LRRC69: variants seen among roughly 807,000 people sequenced by gnomAD.
The protein encoded by LRRC69 is leucine-rich repeat-containing protein 69.
LRRC69 carries 42 observed loss-of-function variants against 37.8 expected under a neutral mutation model. The ratio of observed to expected loss-of-function variants is 1.11; its 90% CI spans 0.87 to 1.44. LRRC69 has a LOEUF of 1.44. Ranked by LOEUF, LRRC69 falls within the 40% of genes most tolerant of loss-of-function variation. The pLI is 0.00. For missense variants in LRRC69, 357 were observed against 401.9 expected (o/e 0.89, Z 0.96); for synonymous variants, 141 against 143.1 (o/e 0.99, Z 0.11).
intron 1 of LRRC69, among the ~76,000 whole-genome samples, chr8:91,122,385 A>G (rs932555174): frequency 3.3e-5 from 5 of 152,078 alleles, no homozygotes; most frequent in Non-Finnish European, 2.9e-5. Flanking sequence ...GTTACTGCCC[A>G]TCATAAAAGA....
chr8:91,127,176 G>T lies in LRRC69; in HGVS notation c.383+16G>T. On this transcript the variant is annotated intron_variant, in intron 3 of 7. Coordinates refer to ENST00000448384, the Ensembl canonical transcript of LRRC69. ...AAGTCAGCAGGTAATTTTGTTTATA[G>T]CAAGACTTGGTTAACAATCGTGCCC... The T allele has an allele frequency of 6.5e-7, 1 of 1,541,056 alleles. No individual in the cohort carries two copies. The highest frequency in any genetic ancestry group is 8.8e-7 in the Non-Finnish European group (1 of 1,139,928).
chr8:91,104,989 T>C (rs1225159071), intron 1 of LRRC69, among the ~76,000 whole-genome samples: 1 of 152,064 alleles, frequency 6.6e-6, no homozygotes, highest in Non-Finnish European at 1.5e-5. Flanking sequence ...CCTCTCATTC[T>C]TCTATTTAGG....
intron 3 of LRRC69, among the ~76,000 whole-genome samples, chr8:91,129,072 T>C (rs1411412451): frequency 6.6e-6 from 1 of 152,074 alleles, no homozygotes; most frequent in Non-Finnish European, 1.5e-5. Flanking sequence ...TTTTGGCTCA[T>C]TTAAACTACA....
intron 7 of LRRC69, among the ~76,000 whole-genome samples, chr8:91,202,891 C>G (rs1441535320): frequency 6.6e-6 from 1 of 152,130 alleles, no homozygotes; most frequent in Non-Finnish European, 1.5e-5. Context: ...ACTAGACCAG[C>G]TGAGAGATGA....
Position 91,197,947 on chromosome 8 carries a change from T to C in LRRC69, c.754-2666T>C, listed in dbSNP as rs189446890. Among the ~76,000 whole-genome samples, 65 of 152,286 alleles carry C rather than the reference T, an allele frequency of 4.3e-4. No individual in the cohort carries two copies. The Middle Eastern group carries it at 0.01, about 24-fold the overall frequency. ...TGTAATATGTAAATGATGTGTGTAG[T>C]TTTAAGAGTATCCCTAAGAATTCTT... On this transcript the variant is annotated intron_variant, in intron 6 of 7. Transcript: ENST00000448384.
In LRRC69 at chr8:91,189,605, G is replaced by GAA; in HGVS notation, c.736_737dup (p.Asn246LysfsTer9). ...AGCCAGTGATTTCTACACAGCAGGA[G>GAA]AACGTCTGGAGTCTACAGGTGAAGA... On this transcript the variant is annotated frameshift_variant, in exon 6 of 8. Coordinates refer to ENST00000448384, the Ensembl canonical transcript of LRRC69. LOFTEE classifies it high-confidence loss of function. The GAA allele has an allele frequency of 2.6e-6, 4 of 1,550,884 alleles. 1 individual carries two copies. The South Asian group carries it at 4.8e-5, about 18-fold the overall frequency.
intron 7 of LRRC69, among the ~76,000 whole-genome samples, chr8:91,203,446 C>T (rs995532876): frequency 1.3e-5 from 2 of 151,346 alleles, no homozygotes; most frequent in Non-Finnish European, 2.9e-5. Context: ...GCCTAAAGTG[C>T]AGTGGTGGTG....
intron 5 of LRRC69, among the ~76,000 whole-genome samples, chr8:91,144,717 GC>G (rs1808587307): frequency 6.6e-6 from 1 of 151,870 alleles, no homozygotes; most frequent in Non-Finnish European, 1.5e-5. Flanking sequence ...AGCATATCTT[GC>G]TATGGTGTCC....
intron 5 of LRRC69, among the ~76,000 whole-genome samples, chr8:91,163,086 G>A (rs1016531105): frequency 1.3e-5 from 2 of 151,024 alleles, no homozygotes; most frequent in African/African-American, 4.9e-5. Context: ...ATATTCCCAT[G>A]GTTGTCTTTT....
rs999090548 is a variant in LRRC69, at chr8:91,216,614, T to A, written c.934-2276T>A. Among the ~76,000 whole-genome samples, 13 of 152,124 alleles carry A rather than the reference T, an allele frequency of 8.5e-5. 1 individual carries two copies. Among genetic ancestry groups the A allele is most frequent in the African/African-American group, 3.1e-4 (13 of 41,442 alleles). ...ACAGAAGTAGGCAGGATTAACTGGT[T>A]GGGTGAGACGGTTGTCTAGTATATG... On this transcript the variant is annotated intron_variant, in intron 7 of 7. Coordinates refer to ENST00000448384, the Ensembl canonical transcript of LRRC69.
chr8:91,135,588 G>A, intron 4 of LRRC69, 80 bp from the exon 5 acceptor site: 1 of 908,180 alleles, frequency 1.1e-6, no homozygotes, highest in South Asian at 1.8e-5. Flanking sequence ...TCATGTTGGA[G>A]CTTTAAAAAA....
chr8:91,200,196 C>G (rs1268508258), intron 6 of LRRC69, among the ~76,000 whole-genome samples: 8 of 152,134 alleles, frequency 5.3e-5, no homozygotes, highest in African/African-American at 4.8e-5. Flanking sequence ...AGTCTGTGAA[C>G]CACAGTTCAA....
At chr8:91,110,716 T>C (rs1005859275) in intron 1 of LRRC69, among the ~76,000 whole-genome samples, 5 of 151,966 alleles carry the variant, frequency 3.3e-5, no homozygotes, top group African/African-American at 1.2e-4. Flanking sequence ...ATAAGTAGCA[T>C]AGAGTTTTCT....
At chr8:91,147,283 A>AT (rs1808638938) in intron 5 of LRRC69, among the ~76,000 whole-genome samples, 1 of 145,104 alleles carries the variant, frequency 6.9e-6, no homozygotes, top group South Asian at 2.1e-4. Flanking sequence ...TATTATATAT[A>AT]AACATATTAT....
chr8:91,141,695 A>G (rs528155683), intron 5 of LRRC69, among the ~76,000 whole-genome samples: 112 of 152,218 alleles, frequency 7.4e-4, no homozygotes, highest in African/African-American at 2.6e-3. Context: ...TGGAGATATC[A>G]TAAGAACAAG....
downstream of LRRC69, chr8:91,219,090 G>A (rs527338099): frequency 6.5e-5 from 35 of 539,830 alleles, 1 homozygote; most frequent in Admixed American, 5.0e-4. Context: ...TACCATGCCT[G>A]TTCTCTTTGT....
In LRRC69 at chr8:91,127,094, T is replaced by TA. The variant is rs771318173; in HGVS notation, c.318dup (p.Gln107ThrfsTer7). 6.5e-7 allele frequency: 1 copy of TA among 1,546,954 alleles called. No homozygotes were observed. Among genetic ancestry groups the TA allele is most frequent in the Non-Finnish European group, 8.7e-7 (1 of 1,145,210 alleles). On this transcript the variant is annotated frameshift_variant, in exon 3 of 8. Coordinates refer to ENST00000448384, the Ensembl canonical transcript of LRRC69. LOFTEE classifies it high-confidence loss of function. ...TAAAATTATTTTCTAACAGATGGCT[T>TA]ACAAAATTTAATCCTGCTTAATCTG...
intron 5 of LRRC69, among the ~76,000 whole-genome samples, chr8:91,184,389 G>A (rs1809371885): frequency 6.6e-6 from 1 of 151,960 alleles, no homozygotes; most frequent in South Asian, 2.1e-4. Flanking sequence ...ATTACTCAAA[G>A]AGTAAGAATA....
At chr8:91,189,595 C>T (rs1337215210) in exon 6 of LRRC69, 2 of 1,551,352 alleles carry the variant, frequency 1.3e-6, no homozygotes, top group East Asian at 2.4e-5. Context: ...GTGATTTCTA[C>T]ACAGCAGGAG....
Sources: gnomAD v4.1 joint callset for allele counts (sites outside exome capture counted in the v4.1 genomes callset) on GRCh38, gnomAD v4.1.1 for gene constraint, MANE v1.5 for transcripts, NCBI Gene and HGNC (gene_info 2026-07-23, HGNC 2026-07-21) for gene names.